The following GAB2 variants were observed in gnomAD, a reference collection of about 807,000 sequenced individuals.
GAB2 encodes the protein GRB2-associated-binding protein 2.
A neutral mutation model predicts 65.5 loss-of-function variants in GAB2; 26 were observed. The observed-to-expected ratio is 0.40, with a 90% confidence interval of 0.29 to 0.55. GAB2 has a LOEUF of 0.55. GAB2 is among the 20% of genes least tolerant of loss of function. The pLI is 0.53. For synonymous variants in GAB2, 321 were observed against 329.6 expected, an observed-to-expected ratio of 0.97 and a Z score of 0.28; for missense variants, 884 against 875.8, an observed-to-expected ratio of 1.01 and a Z score of -0.12.
chr11:78,242,521 AAG>A (rs949898125), intron 3 of GAB2, among the ~76,000 whole-genome samples: 1 of 152,156 alleles, frequency 6.6e-6, no homozygotes, highest in Non-Finnish European at 1.5e-5. Context: ...AAAAAAGAAA[AAG>A]AATGAAATTT....
intron 1 of GAB2, among the ~76,000 whole-genome samples, chr11:78,303,054 G>C (rs886550871): frequency 6.6e-6 from 1 of 152,200 alleles, no homozygotes; most frequent in African/African-American, 2.4e-5. Context: ...GAAAGGGTGA[G>C]AGGAGGGTGA....
intron 3 of GAB2, among the ~76,000 whole-genome samples, chr11:78,229,751 C>G (rs1161284477): frequency 6.6e-6 from 1 of 152,220 alleles, no homozygotes; most frequent in Non-Finnish European, 1.5e-5. Context: ...CTTTTCCACT[C>G]TAGGATCCAA....
Position 78,218,926 on chromosome 11 carries a change from A to T in GAB2, c.*346T>A. On this transcript the variant is annotated 3_prime_UTR_variant, in exon 10 of 10. Coordinates refer to ENST00000361507, the MANE Select transcript of GAB2 (RefSeq NM_080491.3). The stretch of plus-strand genomic sequence containing the variant: ...GAACGTGAGGTGTGGAATCTGGCTC[A>T]GAGCCCCAGCCCTTCCCTCCAAACA... The T allele has an allele frequency of 4.6e-6, 1 of 217,964 alleles. No individual in the cohort carries two copies. The allele number at this position is 217,964 out of a possible 1,614,324, so 13.5% of individuals were successfully genotyped here. A position where few individuals can be genotyped will look rare whatever the true frequency, so the allele number is the denominator to read the frequency against.
chr11:78,226,486 C>G lies in GAB2; in HGVS notation c.1186G>C (p.Asp396His). The change falls in exon 4 of 10, where the codon GAC becomes CAC. Residue 396 changes from aspartate (D) to histidine (H), a missense_variant. By Grantham distance (81) the Asp-to-His change is moderately conservative (BLOSUM62 -1). Coordinates refer to ENST00000361507, the MANE Select transcript of GAB2 (RefSeq NM_080491.3). ...IPRRNTLPAMDNSRLHRASSC... is the reference protein window; with the variant it reads ...IPRRNTLPAMHNSRLHRASSC... The stretch of plus-strand genomic sequence containing the variant: ...TGACCTCGGTGAAGTCGGCTGTTGT[C>G]CATTGCAGGGAGGGTGTTGCGTCTG... The G allele has an allele frequency of 6.2e-7, 1 of 1,613,762 alleles. No individual in the cohort carries two copies. Among genetic ancestry groups the G allele is most frequent in the Non-Finnish European group, 8.5e-7 (1 of 1,179,674 alleles).
In GAB2 at chr11:78,401,514, G is replaced by C. The variant is rs1019767419; in HGVS notation, c.75+16132C>G. 9.9e-3 allele frequency among the ~76,000 whole-genome samples: 1,457 copies of C among 146,996 alleles called. 44 individuals carry two copies. The highest frequency in any genetic ancestry group is 0.035 in the African/African-American group (1,399 of 39,920). ...AAGGCTGAACAGTATTCGTGTGTGT[G>C]TGTGTGTGTGTGTGTGTGTGTGTGT... On this transcript the variant is annotated intron_variant, in intron 1 of 9. Coordinates refer to ENST00000361507, the MANE Select transcript of GAB2 (RefSeq NM_080491.3).
intron 1 of GAB2, among the ~76,000 whole-genome samples, chr11:78,404,321 T>C (rs1364843278): frequency 1.3e-5 from 2 of 152,174 alleles, no homozygotes; most frequent in Non-Finnish European, 2.9e-5. Context: ...GGCAGGAAAG[T>C]CACTTGAGCT....
chr11:78,350,339 G>T (rs1856257417), intron 1 of GAB2, among the ~76,000 whole-genome samples: 1 of 152,206 alleles, frequency 6.6e-6, no homozygotes, highest in Admixed American at 6.5e-5. Flanking sequence ...AATCATCCGT[G>T]AGACTCTGGC....
chr11:78,288,844 G>A (rs1324283099), intron 1 of GAB2, among the ~76,000 whole-genome samples: 1 of 152,174 alleles, frequency 6.6e-6, no homozygotes, highest in East Asian at 1.9e-4. Flanking sequence ...ATATGAAAAG[G>A]CAAAGGAAGC....
chr11:78,323,725 C>A (rs1429445200), intron 1 of GAB2, among the ~76,000 whole-genome samples: 3 of 151,420 alleles, frequency 2.0e-5, no homozygotes, highest in Non-Finnish European at 2.9e-5. Flanking sequence ...TCAATAGAAG[C>A]CCACACCTCA....
intron 1 of GAB2, 105 bp from the exon 2 acceptor site, chr11:78,281,006 T>C: frequency 1.1e-6 from 1 of 874,270 alleles, no homozygotes; most frequent in Non-Finnish European, 1.8e-6. Flanking sequence ...CAGGCTGGAG[T>C]GCAGTGGCAC....
chr11:78,300,546 A>C (rs918567405), intron 1 of GAB2, among the ~76,000 whole-genome samples: 1 of 151,830 alleles, frequency 6.6e-6, no homozygotes, highest in Non-Finnish European at 1.5e-5. Context: ...AAACTACCAC[A>C]TTGTTTTCTG....
In GAB2 at chr11:78,396,550, C is replaced by G. The variant is rs138129741; in HGVS notation, c.75+21096G>C. 1.5e-3 allele frequency among the ~76,000 whole-genome samples: 222 copies of G among 152,310 alleles called. 1 individual carries two copies. The highest frequency in any genetic ancestry group is 2.5e-3 in the Non-Finnish European group (168 of 68,012). ...CCTTATTACACATGCTTGAGAAACTCTGTGGCCATTAAAAACCTATGTTGT... is the reference window on the plus strand; with the variant it reads ...CCTTATTACACATGCTTGAGAAACTGTGTGGCCATTAAAAACCTATGTTGT... On this transcript the variant is annotated intron_variant, in intron 1 of 9. Transcript: ENST00000361507.
rs192297707 is a variant in GAB2, at chr11:78,317,610, T to C, written c.76-36709A>G. On this transcript the variant is annotated intron_variant, in intron 1 of 9. Transcript: ENST00000361507. ...GATTATGATGGTAAACTTTATGTTATGTGTATTTTATCACAATCAAAAGAA... is the reference window on the plus strand; with the variant it reads ...GATTATGATGGTAAACTTTATGTTACGTGTATTTTATCACAATCAAAAGAA... 9.5e-4 allele frequency among the ~76,000 whole-genome samples: 143 copies of C among 150,584 alleles called. 1 individual carries two copies. The highest frequency in any genetic ancestry group is 3.3e-3 in the African/African-American group (137 of 41,102).
At chr11:78,241,622 A>C (rs564558536) in intron 3 of GAB2, among the ~76,000 whole-genome samples, 8 of 151,516 alleles carry the variant, frequency 5.3e-5, no homozygotes, top group South Asian at 2.1e-4. Context: ...AAAAAAAAAA[A>C]CCCAGAAATC....
intron 1 of GAB2, among the ~76,000 whole-genome samples, chr11:78,411,456 C>A (rs1417199331): frequency 6.6e-6 from 1 of 152,044 alleles, no homozygotes; most frequent in Non-Finnish European, 1.5e-5. Context: ...TCAAGACTTA[C>A]AATATAGCTA....
chr11:78,382,396 T>C (rs77790451), intron 1 of GAB2, among the ~76,000 whole-genome samples: 1 of 151,424 alleles, frequency 6.6e-6, no homozygotes. Context: ...TTTTTTTTTT[T>C]GAGACAGAGT....
intron 1 of GAB2, among the ~76,000 whole-genome samples, chr11:78,368,173 C>T (rs1856522724): frequency 6.6e-6 from 1 of 152,176 alleles, no homozygotes; most frequent in Non-Finnish European, 1.5e-5. Context: ...TGGCCACATC[C>T]ATGAGTTGCC....
intron 1 of GAB2, among the ~76,000 whole-genome samples, chr11:78,377,433 A>G (rs540663783): frequency 1.3e-5 from 2 of 152,134 alleles, no homozygotes; most frequent in Admixed American, 1.3e-4. Flanking sequence ...TCATGACTCA[A>G]TTTTCCCAAA....
rs915674953 is a variant in GAB2 at position 78,276,887 on chromosome 11, G to A, written c.376+3714C>T. On this transcript the variant is annotated intron_variant, in intron 2 of 9. Transcript: ENST00000361507. ...GGCTGCAGTGCAGTGGCACAATCTCGGCTCACTACAAGCTCCGCCTCCCAG... is the reference window on the plus strand; with the variant it reads ...GGCTGCAGTGCAGTGGCACAATCTCAGCTCACTACAAGCTCCGCCTCCCAG... 1.2e-4 allele frequency among the ~76,000 whole-genome samples: 19 copies of A among 152,096 alleles called. No individual in the cohort carries two copies. In the East Asian group the frequency reaches 3.1e-3, roughly 25 times the overall value.
Sources: allele counts gnomAD v4.1 joint callset (sites outside exome capture counted in the v4.1 genomes callset), GRCh38; gene constraint gnomAD v4.1.1; transcripts MANE v1.5; gene names NCBI Gene and HGNC (gene_info 2026-07-23, HGNC 2026-07-21).